Variants in ZNF17 observed in about 807,000 individuals in gnomAD.
ZNF17 encodes the protein zinc finger protein 17, also known as zinc finger protein 17 (HPF3, KOX 10).
ZNF17 carries 4 observed loss-of-function variants against 7.7 expected under a neutral mutation model. The ratio of observed to expected loss-of-function variants is 0.52; its 90% confidence interval spans 0.26 to 1.20. The LOEUF is 1.20. Ranked by LOEUF, ZNF17 falls within the 50% of genes most tolerant of loss-of-function variation. The pLI is 0.14. For synonymous variants in ZNF17, 249 were observed against 258.8 expected (o/e 0.96, Z 0.36); for missense variants, 738 against 799.5 (o/e 0.92, Z 0.93).
intron 2 of ZNF17, among the ~76,000 whole-genome samples, chr19:57,415,500 C>T (rs1270918214): frequency 1.3e-5 from 2 of 152,042 alleles, no homozygotes; most frequent in African/African-American, 4.8e-5. Context: ...CCAGCGTGTA[C>T]ACCATGGTAA....
At chr19:57,415,006 A>G (rs2088802778) in intron 2 of ZNF17, among the ~76,000 whole-genome samples, 1 of 152,226 alleles carries the variant, frequency 6.6e-6, no homozygotes, top group Admixed American at 6.5e-5. Flanking sequence ...CACTGCACCC[A>G]GCCAGATTTG....
chr19:57,414,495 C>T (rs991838206), intron 2 of ZNF17, among the ~76,000 whole-genome samples: 3 of 151,804 alleles, frequency 2.0e-5, no homozygotes, highest in African/African-American at 7.3e-5. Flanking sequence ...CCAACACACC[C>T]AGCTAATTTT....
intron 1 of ZNF17, among the ~76,000 whole-genome samples, chr19:57,412,885 CT>C (rs1200936532): frequency 3.1e-4 from 44 of 142,070 alleles, no homozygotes; most frequent in East Asian, 6.4e-4. Context: ...TTTCTTTTTT[CT>C]TTTTTTTTTT....
At chr19:57,419,075 T>G (rs566038667) in intron 3 of ZNF17, 1 of 152,926 alleles carries the variant, frequency 6.5e-6, no homozygotes, top group Admixed American at 6.5e-5. Context: ...GAGACGGTGT[T>G]TCTCCATGTT....
At position 57,420,957 on chromosome 19, in the gene ZNF17, C is replaced by G; in HGVS notation, c.1471C>G (p.Gln491Glu). The change falls in exon 4 of 4, where the codon CAG becomes GAG. Residue 491 changes from glutamine (Q) to glutamate (E), a missense_variant. By Grantham distance (29) the Gln-to-Glu change is conservative (BLOSUM62 2). This residue lies in a region of ZNF17 where 616 missense variants were observed against 663.9 expected (regional missense o/e 0.93). Coordinates refer to ENST00000307658, the MANE Select transcript of ZNF17 (RefSeq NM_001330617.2). ...GGACAGCTGTACACTGAAGAGTCAT[C>G]AGAGAGTTCACACTGGAGAAAGACC... ...FVDSCTLKSH[Q>E]RVHTGERPFE... 6.2e-7 allele frequency: 1 copy of G among 1,614,120 alleles called. No individual in the cohort carries two copies. The highest frequency in any genetic ancestry group is 8.5e-7 in the Non-Finnish European group (1 of 1,180,016).
intron 1 of ZNF17, chr19:57,411,700 A>G (rs2088778077): frequency 3.0e-6 from 4 of 1,315,632 alleles, no homozygotes; most frequent in Non-Finnish European, 2.9e-6. Flanking sequence ...TGAAAGCCGT[A>G]GAAGGCTGTG....
At chr19:57,415,650 A>G (rs947322968) in intron 2 of ZNF17, among the ~76,000 whole-genome samples, 5 of 152,264 alleles carry the variant, frequency 3.3e-5, no homozygotes, top group African/African-American at 1.2e-4. Context: ...TCACAAAGAC[A>G]GATGAGGGAG....
intron 2 of ZNF17, among the ~76,000 whole-genome samples, chr19:57,414,212 T>A (rs2088796768): frequency 6.6e-6 from 1 of 151,992 alleles, no homozygotes; most frequent in African/African-American, 2.4e-5. Flanking sequence ...TTTTGTATTT[T>A]TTAGTAGAGA....
Position 57,421,049 on chromosome 19 carries a change from TCA to T in ZNF17, c.1567_1568del (p.Thr523TrpfsTer2). 6.2e-7 allele frequency: 1 copy of T among 1,614,168 alleles called. No individual in the cohort carries two copies. Among genetic ancestry groups the T allele is most frequent in the Non-Finnish European group, 8.5e-7 (1 of 1,180,028 alleles). On this transcript the variant is annotated frameshift_variant, in exon 4 of 4. Coordinates refer to ENST00000307658, the MANE Select transcript of ZNF17 (RefSeq NM_001330617.2). LOFTEE classifies it low-confidence loss of function (END_TRUNC). ...RSTLDTHQRI[H>X]TGERPYECSE... Reference sequence around the variant, plus strand: ...CCACACTTGATACACATCAGAGAATTCACACTGGTGAAAGGCCTTATGAGTGT... The same window carrying T: ...CCACACTTGATACACATCAGAGAATTCACTGGTGAAAGGCCTTATGAGTGT...
At chr19:57,419,307 C>T (rs996992964) in intron 3 of ZNF17, 1 of 240,764 alleles carries the variant, frequency 4.2e-6, no homozygotes, top group Non-Finnish European at 8.1e-6. Flanking sequence ...CATCAGATCT[C>T]TCTGGGTCTG....
intron 1 of ZNF17, 67 bp downstream of exon 1, chr19:57,411,473 C>T: frequency 6.3e-7 from 1 of 1,582,792 alleles, no homozygotes; most frequent in Non-Finnish European, 8.6e-7. Flanking sequence ...CGAGGAGGGG[C>T]CCTGCAGGTC....
intron 1 of ZNF17, among the ~76,000 whole-genome samples, chr19:57,413,012 G>C (rs1342138764): frequency 1.3e-5 from 2 of 151,984 alleles, no homozygotes; most frequent in African/African-American, 2.4e-5. Context: ...CGAGTAGCTG[G>C]GATTACAGAC....
intron 2 of ZNF17, among the ~76,000 whole-genome samples, chr19:57,416,210 C>T (rs1331520287): frequency 6.6e-6 from 1 of 152,170 alleles, no homozygotes; most frequent in East Asian, 1.9e-4. Context: ...ATTCTGGTTG[C>T]ATTTGTCATG....
chr19:57,413,303 C>T (rs1268124460), intron 1 of ZNF17: 1 of 351,064 alleles, frequency 2.8e-6, no homozygotes, highest in African/African-American at 2.0e-5. Flanking sequence ...GTACCGAAAA[C>T]ATGTAAAAAA....
rs1186519603 is a variant in ZNF17, at chr19:57,420,386, G to A, written c.900G>A (p.Arg300=). The change falls in exon 4 of 4, where the codon AGG becomes AGA. Residue 300 remains arginine (R), a synonymous_variant. Transcript: ENST00000307658. ...HLLQHQRIHT[R]PRPYVCSECG... is the part of the protein sequence containing the mutation. Reference sequence around the variant, plus strand: ...TTCAGCACCAGAGGATTCACACCAGGCCAAGGCCTTATGTGTGTAGTGAAT... The same window carrying A: ...TTCAGCACCAGAGGATTCACACCAGACCAAGGCCTTATGTGTGTAGTGAAT... The A allele has an allele frequency of 6.2e-7, 1 of 1,613,690 alleles. No homozygotes were observed. The highest frequency in any genetic ancestry group is 1.3e-5 in the African/African-American group (1 of 74,790).
rs1032854634 is a variant in ZNF17 at position 57,419,710 on chromosome 19, C to T, written c.224C>T (p.Thr75Ile). The T allele has an allele frequency of 2.5e-6, 4 of 1,614,098 alleles. No individual in the cohort carries two copies. The African/African-American group carries it at 5.3e-5, about 22-fold the overall frequency. The change falls in exon 4 of 4, where the codon ACT becomes ATT. Residue 75 changes from threonine to isoleucine, a missense_variant. Thr to Ile is a moderately conservative substitution (Grantham distance 89, BLOSUM62 -1). This residue lies in a region of ZNF17 where 616 missense variants were observed against 663.9 expected (regional missense o/e 0.93). Coordinates refer to ENST00000307658, the MANE Select transcript of ZNF17 (RefSeq NM_001330617.2). ...CVSVGVSQVT[T>I]LKPALSTQKA... ...TCTGTAGGAGTGTCACAGGTCACAA[C>T]TTTAAAGCCAGCTTTGTCCACCCAG... is the stretch of plus-strand genomic sequence containing the variant.
At chr19:57,419,295 C>CA (rs2088831677) in intron 3 of ZNF17, 1 of 220,782 alleles carries the variant, frequency 4.5e-6, no homozygotes, top group African/African-American at 2.3e-5. Flanking sequence ...GCTCTACTGT[C>CA]ACATCAGATC....
At chr19:57,415,628 G>T (rs554513313) in intron 2 of ZNF17, among the ~76,000 whole-genome samples, 1 of 152,252 alleles carries the variant, frequency 6.6e-6, no homozygotes, top group South Asian at 2.1e-4. Flanking sequence ...ACCTGGATGG[G>T]GTTGCTGGGC....
In ZNF17 at chr19:57,420,270, A is replaced by T. The variant is rs988166206; in HGVS notation, c.784A>T (p.Asn262Tyr). Residue 262 changes from asparagine to tyrosine, a missense_variant, in exon 4 of 4, where the codon AAT becomes TAT. Physicochemically the swap from Asn to Tyr is moderately radical, Grantham distance 143. Transcript: ENST00000307658. The stretch of plus-strand genomic sequence containing the variant: ...TGGAAAAGCCTTCAGCCTCAAATAC[A>T]ATGTTGTTCAACACCAGAAAATTCA... ...ECGKAFSLKY[N>Y]VVQHQKIHTG... is the part of the protein sequence containing the mutation. 1 of 1,614,190 alleles carries T rather than the reference A, an allele frequency of 6.2e-7. No homozygotes were observed. Among genetic ancestry groups the T allele is most frequent in the South Asian group, 1.1e-5 (1 of 91,086 alleles).
Sources: gnomAD v4.1 joint callset for allele counts (sites outside exome capture counted in the v4.1 genomes callset) on GRCh38, gnomAD v4.1.1 for gene constraint, gnomAD v4.1.1 regional missense constraint, MANE v1.5 for transcripts, NCBI Gene and HGNC (gene_info 2026-07-23, HGNC 2026-07-21) for gene names.